ATP6V1H: variants seen among roughly 807,000 people sequenced by gnomAD.
The protein encoded by ATP6V1H is ATPase H+ transporting V1 subunit H.
ATP6V1H carries 39 observed loss-of-function variants against 71.7 expected under a neutral mutation model. That is an observed-to-expected ratio of 0.54 (90% confidence interval 0.42 to 0.71). The LOEUF is 0.71. ATP6V1H is among the 30% of genes least tolerant of loss of function. The pLI, the probability that ATP6V1H is intolerant of heterozygous loss-of-function variation, is 0.00. For missense variants in ATP6V1H, 509 were observed against 594.9 expected, an observed-to-expected ratio of 0.86 and a Z score of 1.50; for synonymous variants, 192 against 199.3, an observed-to-expected ratio of 0.96 and a Z score of 0.31.
intron 7 of ATP6V1H, among the ~76,000 whole-genome samples, chr8:53,809,832 T>C (rs1198630878): frequency 2.0e-5 from 3 of 152,224 alleles, no homozygotes; most frequent in Admixed American, 6.5e-5. Flanking sequence ...CTGCTTCTGA[T>C]TGAGAAACGA....
intron 8 of ATP6V1H, among the ~76,000 whole-genome samples, chr8:53,796,992 G>C (rs944384971): frequency 1.3e-5 from 2 of 152,152 alleles, no homozygotes; most frequent in Admixed American, 1.3e-4. Flanking sequence ...CTTTTGCCTT[G>C]TCTTCTCTAT....
chr8:53,759,458 C>G (rs184710572), intron 11 of ATP6V1H, among the ~76,000 whole-genome samples: 2 of 152,312 alleles, frequency 1.3e-5, no homozygotes, highest in East Asian at 3.9e-4. Flanking sequence ...CAACCACAAT[C>G]CAAACCTCTA....
intron 3 of ATP6V1H, among the ~76,000 whole-genome samples, chr8:53,831,609 G>A (rs145593837): frequency 2.2e-4 from 33 of 152,376 alleles, no homozygotes; most frequent in African/African-American, 7.7e-4. Flanking sequence ...GCTAGACCCA[G>A]AGGGGGTGCT....
At chr8:53,774,647 A>G (rs1299879437) in intron 9 of ATP6V1H, among the ~76,000 whole-genome samples, 1 of 152,202 alleles carries the variant, frequency 6.6e-6, no homozygotes, top group Non-Finnish European at 1.5e-5. Context: ...GATGAAATAT[A>G]AAAGATTACC....
At position 53,759,894 on chromosome 8, in the gene ATP6V1H, G is replaced by A. The variant is rs139562285; in HGVS notation, c.1176-3238C>T. Among the ~76,000 whole-genome samples, 336 of 152,334 alleles carry A rather than the reference G, an allele frequency of 2.2e-3. 2 individuals carry two copies. The highest frequency in any genetic ancestry group is 7.8e-3 in the African/African-American group (325 of 41,562). The stretch of plus-strand genomic sequence containing the variant: ...CTAAGTGTGGAATTACCTGACGTAA[G>A]TGTGGTTATCCACAGATAAAAGGAA... On this transcript the variant is annotated intron_variant, in intron 11 of 13. Transcript: ENST00000359530.
intron 13 of ATP6V1H, among the ~76,000 whole-genome samples, chr8:53,722,789 C>T (rs1368181366): frequency 6.6e-6 from 1 of 152,178 alleles, no homozygotes; most frequent in Admixed American, 6.5e-5. Flanking sequence ...GCAGTTAAAC[C>T]TACCAACTAC....
At chr8:53,801,246 G>C (rs936545937) in intron 8 of ATP6V1H, among the ~76,000 whole-genome samples, 2 of 152,184 alleles carry the variant, frequency 1.3e-5, no homozygotes, top group African/African-American at 2.4e-5. Flanking sequence ...ACAATGCCTT[G>C]CTAAATGAAA....
At chr8:53,718,476 C>T (rs917204312) in intron 13 of ATP6V1H, among the ~76,000 whole-genome samples, 8 of 149,562 alleles carry the variant, frequency 5.3e-5, no homozygotes, top group African/African-American at 2.0e-4. Flanking sequence ...GCAGCCTTGA[C>T]CTCCCTGGGT....
intron 11 of ATP6V1H, among the ~76,000 whole-genome samples, chr8:53,759,636 T>C (rs1808195358): frequency 6.6e-6 from 1 of 152,262 alleles, no homozygotes; most frequent in Admixed American, 6.5e-5. Context: ...TACATTATTA[T>C]TCTAATTGAT....
At position 53,745,990 on chromosome 8, in the gene ATP6V1H, C is replaced by A. The variant is rs558581729; in HGVS notation, c.1278-2300G>T. ...TCTGGAACCTGTGAATAATGAGGAC[C>A]AAATACAATCTCAGAAAACTGCCAT... On this transcript the variant is annotated intron_variant, in intron 12 of 13. Transcript: ENST00000359530. Among the ~76,000 whole-genome samples the A allele has an allele frequency of 2.3e-3, 343 of 152,232 alleles. 2 individuals carry two copies. Among genetic ancestry groups the A allele is most frequent in the African/African-American group, 8.0e-3 (332 of 41,534 alleles).
chr8:53,837,894 G>A (rs545004737), intron 2 of ATP6V1H, among the ~76,000 whole-genome samples: 109 of 152,250 alleles, frequency 7.2e-4, no homozygotes, highest in African/African-American at 2.6e-3. Flanking sequence ...ACGTAGAGCT[G>A]GAAGAATGTG....
At chr8:53,767,993 T>C (rs779038927) in intron 11 of ATP6V1H, among the ~76,000 whole-genome samples, 1 of 152,190 alleles carries the variant, frequency 6.6e-6, no homozygotes, top group Non-Finnish European at 1.5e-5. Flanking sequence ...AACAAAGTGA[T>C]AAGATAACCC....
chr8:53,744,549 G>A (rs1336603364), intron 12 of ATP6V1H, among the ~76,000 whole-genome samples: 1 of 152,170 alleles, frequency 6.6e-6, no homozygotes, highest in African/African-American at 2.4e-5. Context: ...GTGACAAGCG[G>A]CACCTTAATG....
rs143749843 is a variant in ATP6V1H, at chr8:53,788,527, A to T, written c.870+7120T>A. On this transcript the variant is annotated intron_variant, in intron 9 of 13. Transcript: ENST00000359530. ...AGAGGAAAACTGTTATTATTCCATG[A>T]TTTTATGGAGAAAAGGGCAGGGAAA... Among the ~76,000 whole-genome samples, 897 of 152,360 alleles carry T rather than the reference A, an allele frequency of 5.9e-3. 13 individuals are homozygous for T. Among genetic ancestry groups the T allele is most frequent in the African/African-American group, 0.02 (837 of 41,586 alleles).
In ATP6V1H at chr8:53,756,617, T is replaced by C. The variant is rs146139788; in HGVS notation, c.1215A>G (p.Gln405=). The C allele has an allele frequency of 2.0e-5, 32 of 1,614,140 alleles. No individual in the cohort carries two copies. The African/African-American group carries it at 2.8e-4, about 14-fold the overall frequency. Residue 405 remains glutamine, a synonymous_variant, in exon 12 of 14, where the codon CAA becomes CAG. Coordinates refer to ENST00000359530, the MANE Select transcript of ATP6V1H (RefSeq NM_015941.4). ...TKLLEVSDDP[Q]VLAVAAHDVG... is the part of the protein sequence containing the mutation. ...CATCGTGAGCAGCAACAGCTAAGAC[T>C]TGGGGATCATCTGACACTTCCAAAA...
intron 11 of ATP6V1H, among the ~76,000 whole-genome samples, chr8:53,766,330 T>G (rs1213935912): frequency 6.6e-6 from 1 of 152,266 alleles, no homozygotes; most frequent in Non-Finnish European, 1.5e-5. Flanking sequence ...ACCCTTGTGA[T>G]TTCCTATGCC....
At chr8:53,769,846 G>T in intron 10 of ATP6V1H, 103 bp from the exon 11 acceptor site, 1 of 1,020,942 alleles carries the variant, frequency 9.8e-7, no homozygotes, top group Non-Finnish European at 1.4e-6. Flanking sequence ...TACAAAGACT[G>T]ACCATCCTTT....
intron 13 of ATP6V1H, among the ~76,000 whole-genome samples, chr8:53,728,432 G>A (rs942446294): frequency 7.2e-5 from 11 of 152,246 alleles, no homozygotes; most frequent in Admixed American, 2.6e-4. Flanking sequence ...CTGATTACTC[G>A]TTGAAATAAT....
chr8:53,826,965 A>C (rs1810843757), intron 4 of ATP6V1H, among the ~76,000 whole-genome samples: 1 of 151,664 alleles, frequency 6.6e-6, no homozygotes, highest in Non-Finnish European at 1.5e-5. Context: ...AAAAAAAAAA[A>C]CTATGATATT....
Sources: gnomAD v4.1 joint callset for allele counts (sites outside exome capture counted in the v4.1 genomes callset) on GRCh38, gnomAD v4.1.1 for gene constraint, MANE v1.5 for transcripts, NCBI Gene and HGNC (gene_info 2026-07-23, HGNC 2026-07-21) for gene names.